Variants in FHIT observed in about 807,000 individuals in gnomAD.
The protein encoded by FHIT is bis(5'-adenosyl)-triphosphatase.
Under a neutral mutation model 17.9 loss-of-function variants are expected in FHIT, and 19 were observed. That is an observed-to-expected ratio of 1.06 (90% confidence interval 0.74 to 1.56). FHIT has a LOEUF of 1.56. Ranked by LOEUF, FHIT falls within the 40% of genes most tolerant of loss-of-function variation. FHIT has a pLI of 0.00. For missense variants in FHIT, 248 were observed against 189.2 expected, an observed-to-expected ratio of 1.31 and a Z score of -1.82; for synonymous variants, 81 against 69.7, an observed-to-expected ratio of 1.16 and a Z score of -0.81.
chr3:59,889,074 T>C, intron 8 of FHIT, among the ~76,000 whole-genome samples: 1 of 152,222 alleles, frequency 6.6e-6, no homozygotes, highest in East Asian at 1.9e-4. Flanking sequence ...ATACTGTTGT[T>C]CTGGGGATTA....
At chr3:59,981,907 T>C (rs1708670927) in intron 7 of FHIT, among the ~76,000 whole-genome samples, 2 of 152,078 alleles carry the variant, frequency 1.3e-5, no homozygotes, top group Non-Finnish European at 2.9e-5. Flanking sequence ...TCCCACAGGA[T>C]TCAAGGTATC....
chr3:60,095,167 G>C (rs1703891113), intron 5 of FHIT, among the ~76,000 whole-genome samples: 2 of 152,132 alleles, frequency 1.3e-5, no homozygotes, highest in African/African-American at 4.8e-5. Context: ...AGGGCGTGTT[G>C]ATAGCCAAGA....
intron 4 of FHIT, among the ~76,000 whole-genome samples, chr3:60,662,715 T>C (rs1553691482): frequency 6.6e-6 from 1 of 152,200 alleles, no homozygotes; most frequent in East Asian, 1.9e-4. Context: ...GCGTCATCTA[T>C]GATTTCCTTA....
At chr3:60,685,986 T>G (rs1343290857) in intron 4 of FHIT, among the ~76,000 whole-genome samples, 1 of 152,228 alleles carries the variant, frequency 6.6e-6, no homozygotes, top group Non-Finnish European at 1.5e-5. Flanking sequence ...CAAAGCATTT[T>G]TTACAGTGTA....
intron 4 of FHIT, among the ~76,000 whole-genome samples, chr3:60,800,625 C>T (rs1049429668): frequency 5.9e-5 from 9 of 152,090 alleles, no homozygotes; most frequent in Admixed American, 2.6e-4. Flanking sequence ...GAAATGGGTA[C>T]GCTTGTACAA....
At chr3:59,931,239 C>T (rs1309219584) in intron 7 of FHIT, among the ~76,000 whole-genome samples, 1 of 152,140 alleles carries the variant, frequency 6.6e-6, no homozygotes, top group Admixed American at 6.5e-5. Flanking sequence ...CTACGGTGAG[C>T]CTTGCTGAAT....
At position 61,015,918 on chromosome 3, in the gene FHIT, T is replaced by C. The variant is rs72873074; in HGVS notation, c.-111+26129A>G. Among the ~76,000 whole-genome samples the C allele has an allele frequency of 2.0e-3, 307 of 152,348 alleles. 2 individuals are homozygous for C. In the Middle Eastern group the frequency reaches 0.024, roughly 12 times the overall value. ...TACAGATCTTCAGAGGAACTTTTTT[T>C]CTTTTACTTCCTTTTTAAAAAACTT... is the stretch of plus-strand genomic sequence containing the variant. On this transcript the variant is annotated intron_variant, in intron 3 of 9. Coordinates refer to ENST00000492590, the MANE Select transcript of FHIT (RefSeq NM_002012.4).
intron 4 of FHIT, among the ~76,000 whole-genome samples, chr3:60,664,715 T>TC (rs1553692029): frequency 6.6e-6 from 1 of 151,590 alleles, no homozygotes; most frequent in African/African-American, 2.4e-5. Flanking sequence ...CTAGTTTTTT[T>TC]TTTTTTTTTA....
intron 4 of FHIT, among the ~76,000 whole-genome samples, chr3:60,610,596 G>A (rs144463177): frequency 1.2e-4 from 19 of 152,148 alleles, no homozygotes; most frequent in African/African-American, 4.6e-4. Context: ...GAACTATTAG[G>A]GACAGTCACA....
intron 5 of FHIT, among the ~76,000 whole-genome samples, chr3:60,421,025 C>T (rs1304328360): frequency 1.5e-5 from 2 of 133,416 alleles, no homozygotes; most frequent in African/African-American, 5.4e-5. Context: ...AGATTTCTCC[C>T]ACTACTTTTT....
At chr3:60,120,943 T>A (rs1437139911) in intron 5 of FHIT, among the ~76,000 whole-genome samples, 1 of 152,190 alleles carries the variant, frequency 6.6e-6, no homozygotes, top group Admixed American at 6.5e-5. Context: ...TAGGTTTATA[T>A]CATGTGCAAT....
chr3:60,569,704 AGAGAT>A (rs1320292699), intron 4 of FHIT, among the ~76,000 whole-genome samples: 2 of 136,960 alleles, frequency 1.5e-5, no homozygotes, highest in African/African-American at 2.7e-5. Context: ...CCTCATATTT[AGAGAT>A]ATTTATTTAT....
chr3:61,100,655 G>A (rs954882576), intron 2 of FHIT, among the ~76,000 whole-genome samples: 3 of 152,182 alleles, frequency 2.0e-5, no homozygotes, highest in African/African-American at 7.2e-5. Context: ...CACATTGGTT[G>A]AACTAATTTA....
chr3:61,092,038 G>A (rs2035501230), intron 2 of FHIT, among the ~76,000 whole-genome samples: 1 of 137,998 alleles, frequency 7.2e-6, no homozygotes, highest in African/African-American at 2.7e-5. Context: ...GGAAGAATCA[G>A]CAACAACCAT....
At chr3:61,027,787 G>A (rs1223917535) in intron 3 of FHIT, among the ~76,000 whole-genome samples, 1 of 152,212 alleles carries the variant, frequency 6.6e-6, no homozygotes, top group East Asian at 1.9e-4. Flanking sequence ...CCAAAGCAGT[G>A]TGTGAGAATC....
At chr3:60,491,877 T>C (rs139560230) in intron 5 of FHIT, among the ~76,000 whole-genome samples, 1 of 152,286 alleles carries the variant, frequency 6.6e-6, no homozygotes, top group East Asian at 1.9e-4. Flanking sequence ...TATAACAATA[T>C]TTGATTTAAT....
At position 59,960,014 on chromosome 3, in the gene FHIT, A is replaced by G. The variant is rs76764820; in HGVS notation, c.280-37600T>C. Among the ~76,000 whole-genome samples, 388 of 152,288 alleles carry G rather than the reference A, an allele frequency of 2.5e-3. 1 individual carries two copies. The highest frequency in any genetic ancestry group is 9.0e-3 in the African/African-American group (375 of 41,558). The stretch of plus-strand genomic sequence containing the variant: ...GAGCCAGAGCACATCGAGCAGGTCA[A>G]TGAGGGAAAGAGTGGTATGAGAAAA... On this transcript the variant is annotated intron_variant, in intron 7 of 9. Transcript: ENST00000492590.
intron 8 of FHIT, among the ~76,000 whole-genome samples, chr3:59,901,621 T>C (rs7645607): frequency 0.059 from 8,908 of 152,226 alleles, 607 homozygotes; most frequent in African/African-American, 0.17. Context: ...AATAAAAAGT[T>C]ACAAAATAAC....
chr3:60,623,349 C>T, intron 4 of FHIT, among the ~76,000 whole-genome samples: 1 of 152,132 alleles, frequency 6.6e-6, no homozygotes, highest in East Asian at 1.9e-4. Flanking sequence ...TAACATGATA[C>T]TTATGTAAGC....
Sources: gnomAD v4.1 joint callset for allele counts (sites outside exome capture counted in the v4.1 genomes callset) on GRCh38, gnomAD v4.1.1 for gene constraint, MANE v1.5 for transcripts, NCBI Gene and HGNC (gene_info 2026-07-23, HGNC 2026-07-21) for gene names.